TNRC6C: variants seen among roughly 807,000 people sequenced by gnomAD.
TNRC6C encodes trinucleotide repeat containing adaptor 6C.
In TNRC6C, 20 loss-of-function variants were observed where a neutral mutation model predicts 153.7. That is an observed-to-expected ratio of 0.13 (90% CI 0.09 to 0.19). The LOEUF (loss-of-function observed/expected upper bound fraction) is 0.19, where lower values mean the gene tolerates loss of function less well. TNRC6C is among the 10% of genes least tolerant of loss of function. The probability of loss-of-function intolerance (pLI) is 1.00; values close to 1 mark genes in which losing one functional copy is unlikely to be tolerated. For synonymous variants in TNRC6C, 811 were observed against 841.4 expected (o/e 0.96, Z 0.63); for missense variants, 1,987 against 2,172.0 (o/e 0.91, Z 1.69).
chr17:77,991,903 CG>C (rs1567904294), intron 1 of TNRC6C, among the ~76,000 whole-genome samples: 1 of 152,186 alleles, frequency 6.6e-6, no homozygotes, highest in Non-Finnish European at 1.5e-5. Flanking sequence ...AGTTGAATGA[CG>C]ACAGCTCTGT....
chr17:78,008,023 C>T (rs1291613340), intron 1 of TNRC6C, among the ~76,000 whole-genome samples: 1 of 152,104 alleles, frequency 6.6e-6, no homozygotes, highest in Non-Finnish European at 1.5e-5. Flanking sequence ...CTATGATACT[C>T]CTCTACCTTC....
chr17:77,978,822 T>G (rs576747102), intron 1 of TNRC6C, among the ~76,000 whole-genome samples: 1 of 152,278 alleles, frequency 6.6e-6, no homozygotes, highest in Non-Finnish European at 1.5e-5. Context: ...CCTAAAAATT[T>G]TCCTGAAATC....
upstream of TNRC6C, among the ~76,000 whole-genome samples, chr17:77,958,907 A>G (rs1327473519): frequency 6.9e-6 from 1 of 144,888 alleles, no homozygotes; most frequent in Non-Finnish European, 1.5e-5. Flanking sequence ...CCGGAGGCGG[A>G]GGGAGCGGAG....
At chr17:78,032,815 T>C (rs2072102152) in intron 2 of TNRC6C, among the ~76,000 whole-genome samples, 1 of 152,246 alleles carries the variant, frequency 6.6e-6, no homozygotes. Flanking sequence ...ACTGTGACTT[T>C]GTAGTATAGT....
intron 3 of TNRC6C, among the ~76,000 whole-genome samples, chr17:78,053,089 G>A (rs915216784): frequency 2.6e-5 from 4 of 151,960 alleles, no homozygotes; most frequent in South Asian, 2.1e-4. Flanking sequence ...ACCATGTCAC[G>A]TTGCCCCCCG....
intron 1 of TNRC6C, among the ~76,000 whole-genome samples, chr17:78,022,643 C>A (rs989516616): frequency 2.0e-5 from 3 of 152,136 alleles, no homozygotes; most frequent in African/African-American, 7.2e-5. Context: ...TCTAAGGTTC[C>A]TGTCAGCTCA....
intron 13 of TNRC6C, among the ~76,000 whole-genome samples, chr17:78,090,185 A>C (rs2073369066): frequency 6.6e-6 from 1 of 152,138 alleles, no homozygotes; most frequent in Non-Finnish European, 1.5e-5. Flanking sequence ...AAAATTGGGG[A>C]AAGTGGCTTC....
At chr17:77,977,817 G>A (rs2071021773) in intron 1 of TNRC6C, among the ~76,000 whole-genome samples, 1 of 150,648 alleles carries the variant, frequency 6.6e-6, no homozygotes, top group Non-Finnish European at 1.5e-5. Context: ...TGTCACATAA[G>A]TGTATGTGAG....
intron 11 of TNRC6C, among the ~76,000 whole-genome samples, chr17:78,085,180 C>CA (rs1367922913): frequency 6.6e-6 from 1 of 152,182 alleles, no homozygotes; most frequent in Non-Finnish European, 1.5e-5. Flanking sequence ...GCAGCCCTGA[C>CA]ACAGAGCTGA....
Position 78,075,249 on chromosome 17 carries a change from T to C in TNRC6C, c.3031T>C (p.Ser1011Pro). The C allele has an allele frequency of 6.2e-7, 1 of 1,601,036 alleles. No individual in the cohort carries two copies. The highest frequency in any genetic ancestry group is 8.5e-7 in the Non-Finnish European group (1 of 1,173,634). Residue 1011 changes from serine (S) to proline (P), a missense_variant, in exon 8 of 20, where the codon TCC becomes CCC. Coordinates refer to ENST00000301624, the Ensembl canonical transcript of TNRC6C. The surrounding 1 kb of genome is among the most constrained non-coding windows in gnomAD (Gnocchi z 4.2). ...CCGCCCGCCAATCTCCAAAGAGTCT[T>C]CCGTGGACCGCCCCACCTTTCTTGA...
chr17:78,015,872 A>G (rs1002401030), intron 1 of TNRC6C, among the ~76,000 whole-genome samples: 3 of 152,182 alleles, frequency 2.0e-5, no homozygotes, highest in Admixed American at 6.5e-5. Flanking sequence ...AGATCATGCC[A>G]TTGCACTCCA....
intron 16 of TNRC6C, among the ~76,000 whole-genome samples, chr17:78,096,429 A>T (rs1267377480): frequency 6.6e-6 from 1 of 152,242 alleles, no homozygotes. Context: ...AAATTGGAAA[A>T]AATAAAAGTG....
At chr17:77,959,084 CGCCGCCGCCGCA>C (rs1325580666), upstream of TNRC6C, among the ~76,000 whole-genome samples, 6 of 145,060 alleles carry the variant, frequency 4.1e-5, no homozygotes, top group Non-Finnish European at 6.1e-5. Context: ...CACTCGCCCG[CGCCGCCGCCGCA>C]GCCGCCGCCG....
chr17:78,047,349 A>G (rs2072433069), intron 2 of TNRC6C, among the ~76,000 whole-genome samples: 1 of 152,204 alleles, frequency 6.6e-6, no homozygotes, highest in Non-Finnish European at 1.5e-5. Flanking sequence ...GAACCTAGTC[A>G]TTTTATAGCA....
intron 14 of TNRC6C, 36 bp downstream of exon 16, chr17:78,091,643 T>C: frequency 7.0e-6 from 10 of 1,418,834 alleles, no homozygotes; most frequent in Non-Finnish European, 9.2e-6. Flanking sequence ...GTGGGATCAC[T>C]GCTGGCTTAT....
At chr17:78,069,771 G>A (rs1046176587) in intron 5 of TNRC6C, among the ~76,000 whole-genome samples, 12 of 152,262 alleles carry the variant, frequency 7.9e-5, no homozygotes, top group South Asian at 2.1e-4. Context: ...TAAATTAAAA[G>A]CAAGGTGCAG....
chr17:77,987,920 T>C (rs1454157171), intron 1 of TNRC6C, among the ~76,000 whole-genome samples: 2 of 152,112 alleles, frequency 1.3e-5, no homozygotes, highest in Non-Finnish European at 2.9e-5. Context: ...CCTCAAGTTA[T>C]CCGCCCGCCT....
chr17:78,105,158 A>G (rs1598802671), exon 20 of TNRC6C: 1 of 271,996 alleles, frequency 3.7e-6, no homozygotes, highest in African/African-American at 2.3e-5. Context: ...GAATAGTTCT[A>G]TCATGAAGGG....
chr17:78,045,798 A>G (rs2072397118), intron 2 of TNRC6C, among the ~76,000 whole-genome samples: 1 of 152,240 alleles, frequency 6.6e-6, no homozygotes, highest in Non-Finnish European at 1.5e-5. Flanking sequence ...ACATTTAAAC[A>G]TAAAAATTAA....
Sources: gnomAD v4.1 joint callset for allele counts (sites outside exome capture counted in the v4.1 genomes callset) on GRCh38, gnomAD v4.1.1 for gene constraint, Gnocchi (gnomAD v3.1) non-coding constraint, MANE v1.5 for transcripts, NCBI Gene and HGNC (gene_info 2026-07-23, HGNC 2026-07-21) for gene names.